Variants in EPHA6 observed in about 807,000 individuals in gnomAD.
EPHA6 encodes ephrin type-A receptor 6.
Under a neutral mutation model 112.0 loss-of-function variants are expected in EPHA6, and 50 were observed. That is an observed-to-expected ratio of 0.45 (90% CI 0.36 to 0.56). EPHA6 has a LOEUF of 0.56. Among genes scored for constraint, EPHA6 ranks in the 20% least tolerant of loss-of-function variants. The pLI is 0.00. For synonymous variants in EPHA6, 529 were observed against 490.7 expected (o/e 1.08, Z -1.03); for missense variants, 1,280 against 1,417.4 (o/e 0.90, Z 1.56).
At chr3:97,512,490 GA>G (rs1456471149) in intron 10 of EPHA6, among the ~76,000 whole-genome samples, 40 of 152,052 alleles carry the variant, frequency 2.6e-4, no homozygotes, top group African/African-American at 9.6e-4. Context: ...AAAGCATTTT[GA>G]ACAGTACATC....
intron 10 of EPHA6, among the ~76,000 whole-genome samples, chr3:97,490,772 A>G (rs1275167978): frequency 1.3e-5 from 2 of 152,096 alleles, no homozygotes; most frequent in East Asian, 3.9e-4. Flanking sequence ...TTACTATCTC[A>G]CAGTGTCAGT....
intron 2 of EPHA6, among the ~76,000 whole-genome samples, chr3:96,893,536 AATG>A (rs2038097629): frequency 6.6e-6 from 1 of 152,196 alleles, no homozygotes; most frequent in African/African-American, 2.4e-5. Context: ...GTGGGAAATT[AATG>A]ATGATTATTG....
rs142867423 is a variant in EPHA6 at position 97,757,951 on chromosome 3, C to A, written c.*9250C>A. ...AGTTATTCTTTTTGAAGTTATTCTTCTTTTATTTAATATTAGTCTGATATC... is the reference window on the plus strand; with the variant it reads ...AGTTATTCTTTTTGAAGTTATTCTTATTTTATTTAATATTAGTCTGATATC... On this transcript the variant is annotated 3_prime_UTR_variant, in exon 18 of 18. Coordinates refer to ENST00000389672, the MANE Select transcript of EPHA6 (RefSeq NM_001080448.3). 9.1e-3 allele frequency among the ~76,000 whole-genome samples: 1,382 copies of A among 151,924 alleles called. 18 individuals are homozygous for A. Among genetic ancestry groups the A allele is most frequent in the Non-Finnish European group, 0.013 (871 of 67,780 alleles).
intron 1 of EPHA6, among the ~76,000 whole-genome samples, chr3:96,819,385 T>C (rs1360716720): frequency 6.6e-6 from 1 of 152,120 alleles, no homozygotes; most frequent in Non-Finnish European, 1.5e-5. Flanking sequence ...GTACAAAAGA[T>C]ATAAATTTCC....
chr3:97,047,622 A>G (rs1392112160), intron 3 of EPHA6, among the ~76,000 whole-genome samples: 1 of 151,842 alleles, frequency 6.6e-6, no homozygotes, highest in East Asian at 1.9e-4. Flanking sequence ...CTTTGTACAG[A>G]TTATCTTTTA....
intron 1 of EPHA6, among the ~76,000 whole-genome samples, chr3:96,839,640 C>T (rs182733155): frequency 6.6e-6 from 1 of 151,240 alleles, no homozygotes; most frequent in Non-Finnish European, 1.5e-5. Flanking sequence ...GAATGCTTAC[C>T]CTGGAAATGA....
chr3:96,817,717 C>A (rs942410701), intron 1 of EPHA6, among the ~76,000 whole-genome samples: 1 of 151,914 alleles, frequency 6.6e-6, no homozygotes, highest in Non-Finnish European at 1.5e-5. Context: ...TATATGACAT[C>A]CTTCATGGCT....
At chr3:97,586,552 A>G (rs2093490157) in intron 11 of EPHA6, among the ~76,000 whole-genome samples, 1 of 152,192 alleles carries the variant, frequency 6.6e-6, no homozygotes, top group Admixed American at 6.5e-5. Flanking sequence ...CTAAAAAAAA[A>G]AGAGAGAGGC....
rs147040083 is a variant in EPHA6, at chr3:97,271,682, A to G, written c.1606+27395A>G. Among the ~76,000 whole-genome samples, 3 of 152,358 alleles carry G rather than the reference A, an allele frequency of 2.0e-5. No homozygotes were observed. The East Asian group carries it at 5.8e-4, about 29-fold the overall frequency. On this transcript the variant is annotated intron_variant, in intron 5 of 17. Coordinates refer to ENST00000389672, the MANE Select transcript of EPHA6 (RefSeq NM_001080448.3). The stretch of plus-strand genomic sequence containing the variant: ...CTTAAAAATATTTAAAGATAAAAAT[A>G]TACGTTGGAGTTTGTCTTACACTTT...
chr3:96,958,184 G>A (rs1448817373), intron 2 of EPHA6, among the ~76,000 whole-genome samples: 1 of 151,996 alleles, frequency 6.6e-6, no homozygotes, highest in Non-Finnish European at 1.5e-5. Context: ...CAGCTACTTG[G>A]GTGGCTGAGG....
intron 5 of EPHA6, among the ~76,000 whole-genome samples, chr3:97,278,778 A>G (rs891403403): frequency 1.3e-5 from 2 of 152,154 alleles, no homozygotes; most frequent in African/African-American, 4.8e-5. Context: ...AGGTTTCTCT[A>G]GGCACCTGAT....
rs572633007 is a variant in EPHA6 at position 97,170,832 on chromosome 3, C to A, written c.1115-55432C>A. Among the ~76,000 whole-genome samples the A allele has an allele frequency of 1.3e-4, 20 of 152,230 alleles. No homozygotes were observed. In the South Asian group the frequency reaches 3.9e-3, roughly 30 times the overall value. Reference sequence around the variant, plus strand: ...CAAGGAGTTATACATATGCACTCTTCATATTGATACACTTTTTCTTTTTTG... The same window carrying A: ...CAAGGAGTTATACATATGCACTCTTAATATTGATACACTTTTTCTTTTTTG... On this transcript the variant is annotated intron_variant, in intron 3 of 17. Coordinates refer to ENST00000389672, the MANE Select transcript of EPHA6 (RefSeq NM_001080448.3).
At chr3:96,916,986 T>G (rs1446205443) in intron 2 of EPHA6, among the ~76,000 whole-genome samples, 2 of 152,198 alleles carry the variant, frequency 1.3e-5, no homozygotes, top group African/African-American at 4.8e-5. Context: ...GTGCTTTCAG[T>G]GGGCTGTAGT....
Position 97,594,299 on chromosome 3 carries a change from C to T in EPHA6, c.2512+1562C>T, listed in dbSNP as rs540270913. ...GAAGGAAGATGATTGTTCTATAACA[C>T]ATACAGAAACAACTTTCCAGAGAGG... On this transcript the variant is annotated intron_variant, in intron 12 of 17. Transcript: ENST00000389672. Among the ~76,000 whole-genome samples the T allele has an allele frequency of 5.9e-5, 9 of 152,342 alleles. No homozygotes were observed. In the South Asian group the frequency reaches 8.3e-4, roughly 14 times the overall value.
chr3:97,719,318 A>AT (rs2034407907), intron 14 of EPHA6, among the ~76,000 whole-genome samples: 1 of 151,770 alleles, frequency 6.6e-6, no homozygotes, highest in African/African-American at 2.4e-5. Flanking sequence ...GTCAAAAATA[A>AT]TTTTTGTTAT....
intron 2 of EPHA6, among the ~76,000 whole-genome samples, chr3:96,888,290 G>A (rs1020194404): frequency 3.0e-4 from 46 of 150,892 alleles, no homozygotes; most frequent in Admixed American, 2.0e-4. Context: ...TATTTCGCTC[G>A]GCTCTCCAAA....
intron 2 of EPHA6, among the ~76,000 whole-genome samples, chr3:96,937,236 G>A (rs1046841305): frequency 1.3e-5 from 2 of 152,140 alleles, no homozygotes; most frequent in Non-Finnish European, 2.9e-5. Flanking sequence ...GTGTAAAAGT[G>A]TTCCTATTTC....
chr3:97,361,157 T>C (rs2084350685), intron 5 of EPHA6, among the ~76,000 whole-genome samples: 1 of 152,212 alleles, frequency 6.6e-6, no homozygotes, highest in Admixed American at 6.5e-5. Context: ...GCATGCATCA[T>C]TTATAGCACA....
intron 5 of EPHA6, among the ~76,000 whole-genome samples, chr3:97,399,945 T>A (rs1163830479): frequency 6.6e-6 from 1 of 151,712 alleles, no homozygotes; most frequent in East Asian, 1.9e-4. Flanking sequence ...TTTGATATAA[T>A]CTCGTTTGTC....
Sources: gnomAD v4.1 joint callset for allele counts (sites outside exome capture counted in the v4.1 genomes callset) on GRCh38, gnomAD v4.1.1 for gene constraint, MANE v1.5 for transcripts, NCBI Gene and HGNC (gene_info 2026-07-23, HGNC 2026-07-21) for gene names.